Variants in DENND4A observed in about 807,000 individuals in gnomAD.
The protein encoded by DENND4A is C-myc promoter-binding protein.
In DENND4A, 70 loss-of-function variants were observed where a neutral mutation model predicts 199.3. The ratio of observed to expected loss-of-function variants is 0.35; its 90% CI spans 0.29 to 0.43. The LOEUF (loss-of-function observed/expected upper bound fraction) is 0.43. Ranked by LOEUF, DENND4A falls within the 20% of genes least tolerant of loss-of-function variation. The probability of loss-of-function intolerance (pLI) is 1.00; values close to 1 mark genes in which losing one functional copy is unlikely to be tolerated. For synonymous variants in DENND4A, 686 were observed against 766.9 expected, an observed-to-expected ratio of 0.89 and a Z score of 1.74; for missense variants, 1,723 against 2,255.8, an observed-to-expected ratio of 0.76 and a Z score of 4.78.
At chr15:65,708,966 G>A (rs1206759945) in intron 14 of DENND4A, among the ~76,000 whole-genome samples, 4 of 152,060 alleles carry the variant, frequency 2.6e-5, no homozygotes, top group Admixed American at 6.6e-5. Flanking sequence ...TTTTAAAGTC[G>A]GTCAAGTGTT....
In DENND4A at chr15:65,686,504, G is replaced by A. The variant is rs144813156; in HGVS notation, c.4179+3911C>T. ...CTACCAATTGTGTCATTGTTTTGAG[G>A]CTCTGTGATTTAGTGAATATACATG... On this transcript the variant is annotated intron_variant, in intron 23 of 32. Transcript: ENST00000443035. Among the ~76,000 whole-genome samples the A allele has an allele frequency of 3.3e-5, 5 of 152,182 alleles. No individual in the cohort carries two copies. The East Asian group carries it at 9.6e-4, about 29-fold the overall frequency.
At chr15:65,663,519 T>G (rs922388403) in intron 32 of DENND4A, among the ~76,000 whole-genome samples, 1 of 152,200 alleles carries the variant, frequency 6.6e-6, no homozygotes, top group South Asian at 2.1e-4. Flanking sequence ...GATTTTATTA[T>G]ATATTATATT....
chr15:65,701,658 C>T, intron 18 of DENND4A, 104 bp downstream of exon 18: 3 of 1,037,074 alleles, frequency 2.9e-6, no homozygotes, highest in Non-Finnish European at 2.9e-6. Context: ...ATTTTATATA[C>T]TCTAAAATAA....
chr15:65,746,367 CTCTTTTTTTTT>C (rs2076391861), intron 4 of DENND4A, among the ~76,000 whole-genome samples: 9 of 71,062 alleles, frequency 1.3e-4, no homozygotes, highest in African/African-American at 5.2e-4. Context: ...CTACTTTTTT[CTCTTTTTTTTT>C]TTTTTTTTTT....
At chr15:65,760,080 T>C (rs990512574) in intron 2 of DENND4A, among the ~76,000 whole-genome samples, 1 of 152,226 alleles carries the variant, frequency 6.6e-6, no homozygotes, top group Non-Finnish European at 1.5e-5. Context: ...GTACATGAAT[T>C]TTATATTATA....
intron 14 of DENND4A, among the ~76,000 whole-genome samples, chr15:65,710,139 G>A (rs755970708): frequency 1.3e-5 from 2 of 152,060 alleles, no homozygotes; most frequent in Non-Finnish European, 2.9e-5. Context: ...TCCTTAGGAC[G>A]TAATACCCTA....
intron 25 of DENND4A, among the ~76,000 whole-genome samples, chr15:65,670,570 T>C (rs900908218): frequency 2.6e-5 from 4 of 152,164 alleles, no homozygotes; most frequent in African/African-American, 9.7e-5. Flanking sequence ...ACTTACTGGA[T>C]TGTGATGAGA....
chr15:65,678,556 T>C (rs1259020915), intron 23 of DENND4A, among the ~76,000 whole-genome samples: 1 of 152,234 alleles, frequency 6.6e-6, no homozygotes, highest in Non-Finnish European at 1.5e-5. Flanking sequence ...CTGGCTATTG[T>C]CATATCCAGG....
chr15:65,762,809 G>C (rs948232932), intron 1 of DENND4A, among the ~76,000 whole-genome samples: 1 of 152,236 alleles, frequency 6.6e-6, no homozygotes, highest in Admixed American at 6.5e-5. Flanking sequence ...TTACGTAAGG[G>C]GCTTAAGTAT....
Position 65,758,976 on chromosome 15 carries a change from C to T in DENND4A, c.-23+2384G>A, listed in dbSNP as rs535401713. ...TGCTAGTTTACAGTAAACAATCTTC[C>T]CTTGTAGACCATAAAATCTCAGGGC... On this transcript the variant is annotated intron_variant, in intron 2 of 32. Transcript: ENST00000443035. Among the ~76,000 whole-genome samples, 33 of 152,222 alleles carry T rather than the reference C, an allele frequency of 2.2e-4. No individual in the cohort carries two copies. The East Asian group carries it at 4.0e-3, about 19-fold the overall frequency.
chr15:65,695,972 A>T (rs896430168), intron 22 of DENND4A, among the ~76,000 whole-genome samples: 1 of 152,134 alleles, frequency 6.6e-6, no homozygotes, highest in Admixed American at 6.5e-5. Flanking sequence ...TACTTAAACT[A>T]TCTGAAGGAC....
intron 20 of DENND4A, among the ~76,000 whole-genome samples, chr15:65,700,007 A>T (rs941967344): frequency 6.6e-6 from 1 of 151,866 alleles, no homozygotes; most frequent in Admixed American, 6.6e-5. Context: ...TATATTTAAA[A>T]TTTTTTATTA....
intron 1 of DENND4A, among the ~76,000 whole-genome samples, chr15:65,790,941 C>T (rs1357106420): frequency 2.0e-5 from 3 of 152,120 alleles, no homozygotes; most frequent in Non-Finnish European, 4.4e-5. Context: ...ACCTCCTCCC[C>T]CAAGGAGAGA....
chr15:65,760,721 T>C (rs2076832135), intron 2 of DENND4A, among the ~76,000 whole-genome samples: 1 of 151,980 alleles, frequency 6.6e-6, no homozygotes, highest in Admixed American at 6.6e-5. Context: ...AAACCTCGTT[T>C]CTACCAAAAA....
intron 1 of DENND4A, among the ~76,000 whole-genome samples, chr15:65,781,958 GTTACT>G (rs2077446337): frequency 1.3e-5 from 2 of 152,270 alleles, no homozygotes; most frequent in African/African-American, 4.8e-5. Context: ...ATTGTCACTG[GTTACT>G]TTACAAGAGC....
At chr15:65,773,747 C>A (rs983669272) in intron 1 of DENND4A, among the ~76,000 whole-genome samples, 20 of 152,242 alleles carry the variant, frequency 1.3e-4, no homozygotes, top group Non-Finnish European at 2.2e-4. Context: ...ATGCTTCAAA[C>A]ATACACACAC....
At chr15:65,706,988 T>A (rs2075085040) in intron 14 of DENND4A, among the ~76,000 whole-genome samples, 1 of 152,148 alleles carries the variant, frequency 6.6e-6, no homozygotes, top group Admixed American at 6.5e-5. Flanking sequence ...AATCAAGAAA[T>A]AATATTTTTT....
At chr15:65,739,184 T>C (rs754479096) in intron 5 of DENND4A, among the ~76,000 whole-genome samples, 4 of 152,222 alleles carry the variant, frequency 2.6e-5, no homozygotes, top group Non-Finnish European at 5.9e-5. Flanking sequence ...GTGGTCACAC[T>C]ACCTTAGAAA....
In DENND4A at chr15:65,773,097, C is replaced by T. The variant is rs28433091; in HGVS notation, c.-101-11659G>A. Among the ~76,000 whole-genome samples, 1,404 of 150,048 alleles carry T rather than the reference C, an allele frequency of 9.4e-3. 23 individuals are homozygous for T. The highest frequency in any genetic ancestry group is 0.032 in the African/African-American group (1,316 of 40,840). Reference sequence around the variant, plus strand: ...CAGCAATGGCATCCAGTGGCATCAACGGTGTGTTCAACAGGAAAAGGATAT... The same window carrying T: ...CAGCAATGGCATCCAGTGGCATCAATGGTGTGTTCAACAGGAAAAGGATAT... On this transcript the variant is annotated intron_variant, in intron 1 of 32. Transcript: ENST00000443035.
Sources: allele counts gnomAD v4.1 joint callset (sites outside exome capture counted in the v4.1 genomes callset), GRCh38; gene constraint gnomAD v4.1.1; transcripts MANE v1.5; gene names NCBI Gene and HGNC (gene_info 2026-07-23, HGNC 2026-07-21).